KRABD5: variants seen among roughly 807,000 people sequenced by gnomAD.
The protein encoded by KRABD5 is KRAB domain containing 5.
the KRABD5 span, among the ~76,000 whole-genome samples, chr16:31,730,680 A>G: frequency 2.0e-5 from 3 of 151,964 alleles, no homozygotes; most frequent in Non-Finnish European, 4.4e-5. Context: ...TAAAATATGT[A>G]TATTTGTTCA....
At chr16:31,750,137 C>T in the KRABD5 span, among the ~76,000 whole-genome samples, 2 of 152,004 alleles carry the variant, frequency 1.3e-5, no homozygotes, top group Non-Finnish European at 2.9e-5. Context: ...GGCAGTATGG[C>T]CATTTTAATG....
At chr16:31,713,555 C>T in the KRABD5 span, 66 of 1,382,474 alleles carry the variant, frequency 4.8e-5, no homozygotes, top group Non-Finnish European at 6.0e-5. Flanking sequence ...GCAACTCGGC[C>T]CTTGGTCCCC....
At chr16:31,742,272 C>T in the KRABD5 span, among the ~76,000 whole-genome samples, 6 of 151,670 alleles carry the variant, frequency 4.0e-5, no homozygotes, top group African/African-American at 7.3e-5. Flanking sequence ...TGGTGGTTTG[C>T]TGCACCTGTT....
chr16:31,729,822 A>C, the KRABD5 span, among the ~76,000 whole-genome samples: 1 of 149,402 alleles, frequency 6.7e-6, no homozygotes, highest in Non-Finnish European at 1.5e-5. Flanking sequence ...TTTTTTCTCT[A>C]GTGGTTATAA....
chr16:31,753,566 C>T, the KRABD5 span, among the ~76,000 whole-genome samples: 2 of 152,172 alleles, frequency 1.3e-5, no homozygotes, highest in African/African-American at 4.8e-5. Context: ...TTGTGTTCAC[C>T]TAGGTGCTGC....
At chr16:31,735,367 T>C in the KRABD5 span, among the ~76,000 whole-genome samples, 4 of 152,212 alleles carry the variant, frequency 2.6e-5, no homozygotes, top group African/African-American at 9.6e-5. Context: ...AGTGCTGCAG[T>C]AAACATGGGA....
chr16:31,752,397 T>G, the KRABD5 span, among the ~76,000 whole-genome samples: 1 of 152,178 alleles, frequency 6.6e-6, no homozygotes, highest in African/African-American at 2.4e-5. Flanking sequence ...ACTGTTATTA[T>G]GTGACTAATT....
At chr16:31,724,963 A>G in the KRABD5 span, among the ~76,000 whole-genome samples, 30 of 152,246 alleles carry the variant, frequency 2.0e-4, no homozygotes, top group African/African-American at 6.7e-4. Flanking sequence ...ATCTTATTCA[A>G]TTACCATAGT....
the KRABD5 span, among the ~76,000 whole-genome samples, chr16:31,742,295 A>G: frequency 2.7e-5 from 4 of 150,700 alleles, no homozygotes; most frequent in African/African-American, 9.7e-5. Flanking sequence ...CCCATTGTCT[A>G]TGTTCCTTCC....
the KRABD5 span, chr16:31,761,025 C>T: frequency 6.6e-6 from 1 of 152,140 alleles, no homozygotes; most frequent in East Asian, 1.9e-4. Context: ...CTCAAGGGCC[C>T]ATGGAGTTCA....
At chr16:31,723,404 A>G in the KRABD5 span, 1 of 1,549,550 alleles carries the variant, frequency 6.5e-7, no homozygotes, top group Non-Finnish European at 8.7e-7. Context: ...TCCAGAGATT[A>G]AGAAAGAACC....
At chr16:31,739,090 C>G in the KRABD5 span, among the ~76,000 whole-genome samples, 1 of 152,166 alleles carries the variant, frequency 6.6e-6, no homozygotes, top group African/African-American at 2.4e-5. Context: ...TATGCACCAT[C>G]ATTATAATAC....
chr16:31,742,231 G>A, the KRABD5 span, among the ~76,000 whole-genome samples: 10 of 150,226 alleles, frequency 6.7e-5, no homozygotes, highest in Admixed American at 6.6e-4. Context: ...TGCAGAACAT[G>A]CAGGTTTGTT....
At chr16:31,737,667 T>C in the KRABD5 span, among the ~76,000 whole-genome samples, 2 of 152,178 alleles carry the variant, frequency 1.3e-5, no homozygotes, top group Admixed American at 6.5e-5. Context: ...CTGTTTCATC[T>C]TTTATTTATC....
At chr16:31,717,078 C>T in the KRABD5 span, among the ~76,000 whole-genome samples, 1 of 146,488 alleles carries the variant, frequency 6.8e-6, no homozygotes, top group African/African-American at 2.5e-5. Context: ...CTCACTGCAA[C>T]CTCTGCCTCT....
chr16:31,750,093 G>C, the KRABD5 span, among the ~76,000 whole-genome samples: 2 of 152,140 alleles, frequency 1.3e-5, no homozygotes, highest in Non-Finnish European at 2.9e-5. Context: ...TTGGTAGTTT[G>C]ATAGGAATAG....
chr16:31,727,300 G>A, the KRABD5 span, among the ~76,000 whole-genome samples: 1 of 152,160 alleles, frequency 6.6e-6, no homozygotes, highest in South Asian at 2.1e-4. Context: ...CTTGTTGCAG[G>A]GCAGGTGAGC....
At chr16:31,729,542 A>C in the KRABD5 span, among the ~76,000 whole-genome samples, 1 of 152,218 alleles carries the variant, frequency 6.6e-6, no homozygotes, top group African/African-American at 2.4e-5. Flanking sequence ...TCACTTCTTA[A>C]AAGTCCCACT....
chr16:31,736,079 G>A, the KRABD5 span, among the ~76,000 whole-genome samples: 2 of 152,200 alleles, frequency 1.3e-5, no homozygotes, highest in Admixed American at 1.3e-4. Context: ...TTTTGTATAT[G>A]ATGAGGGTTA....
Sources: allele counts gnomAD v4.1 joint callset (sites outside exome capture counted in the v4.1 genomes callset), GRCh38; gene constraint gnomAD v4.1.1; transcripts MANE v1.5; gene names NCBI Gene and HGNC (gene_info 2026-07-23, HGNC 2026-07-21).